PCDHGB4: variants seen among roughly 807,000 people sequenced by gnomAD.
The protein encoded by PCDHGB4 is protocadherin gamma-B4.
PCDHGB4 carries 38 observed loss-of-function variants against 60.5 expected under a neutral mutation model. The observed-to-expected ratio is 0.63, with a 90% CI of 0.48 to 0.82. The LOEUF (loss-of-function observed/expected upper bound fraction) is 0.82, where lower values mean the gene tolerates loss of function less well. PCDHGB4 is among the 40% of genes least tolerant of loss of function. The pLI is 0.00. For synonymous variants in PCDHGB4, 456 were observed against 509.7 expected (o/e 0.89, Z 1.42); for missense variants, 1,109 against 1,209.6 (o/e 0.92, Z 1.23).
At chr5:141,410,535 A>T (rs2095405545) in intron 1 of PCDHGB4, 9 of 1,613,752 alleles carry the variant, frequency 5.6e-6, no homozygotes, top group Non-Finnish European at 7.6e-6. Context: ...TCCAATGAAG[A>T]CATGGTTTGC....
intron 1 of PCDHGB4, chr5:141,424,468 C>A (rs1301878037): frequency 1.3e-5 from 2 of 152,072 alleles, no homozygotes; most frequent in South Asian, 2.1e-4. Context: ...TCCTTTTATT[C>A]TTTTACTTTG....
chr5:141,497,104 T>C (rs757158984), intron 2 of PCDHGB4, among the ~76,000 whole-genome samples: 44 of 151,910 alleles, frequency 2.9e-4, no homozygotes, highest in Non-Finnish European at 5.9e-4. Context: ...CAGAACTGCT[T>C]GAACCCGGAA....
In PCDHGB4 at chr5:141,388,846, A is replaced by G. The variant is rs758753526; in HGVS notation, c.962A>G (p.Asp321Gly). Reference protein sequence around the residue: ...KEYSIVLEARDGGGMIAQCTV... With the variant: ...KEYSIVLEARGGGGMIAQCTV... ...TATTCCATAGTTTTGGAAGCAAGGG[A>G]CGGTGGAGGAATGATTGCGCAATGC... Residue 321 changes from aspartate (D) to glycine (G), a missense_variant, in exon 1 of 4, where the codon GAC (aspartate) becomes GGC (glycine). Physicochemically the swap from Asp to Gly is moderately conservative, Grantham distance 94. Around this residue, in one of 2 missense-constraint regions of PCDHGB4, gnomAD observed 1,068 missense variants for 1,089.9 expected, o/e 0.98. Coordinates refer to ENST00000519479, the MANE Select transcript of PCDHGB4 (RefSeq NM_003736.4). The G allele has an allele frequency of 5.6e-6, 9 of 1,613,870 alleles. No homozygotes were observed. In the East Asian group the frequency reaches 2.0e-4, roughly 36 times the overall value.
intron 3 of PCDHGB4, among the ~76,000 whole-genome samples, chr5:141,509,450 C>A (rs2099876883): frequency 6.6e-6 from 1 of 152,128 alleles, no homozygotes; most frequent in Non-Finnish European, 1.5e-5. Context: ...CCTCTCCCAC[C>A]CCCGACCCAG....
chr5:141,413,747 A>G (rs1208637349), intron 1 of PCDHGB4: 7 of 1,613,230 alleles, frequency 4.3e-6, no homozygotes, highest in African/African-American at 4.0e-5. Flanking sequence ...AGCCGTGCCA[A>G]TGGCGTCAAG....
intron 1 of PCDHGB4, chr5:141,408,465 A>C: frequency 6.2e-7 from 1 of 1,613,960 alleles, no homozygotes. Context: ...CTTGTGAAGA[A>C]CCGAATAGAC....
In PCDHGB4 at chr5:141,430,937, G is replaced by C. The variant is rs888990395; in HGVS notation, c.2397+40656G>C. ...CCTGGGGCTGGAGCCCCGGGAGCTC[G>C]CGGAGCGCGGAGTCCGCATCATCCC... On this transcript the variant is annotated intron_variant, in intron 1 of 3. Coordinates refer to ENST00000519479, the MANE Select transcript of PCDHGB4 (RefSeq NM_003736.4). The C allele has an allele frequency of 8.7e-6, 14 of 1,607,498 alleles. No individual in the cohort carries two copies. The highest frequency in any genetic ancestry group is 1.7e-5 in the Admixed American group (1 of 58,732).
At chr5:141,407,453 C>G (rs914537742) in intron 1 of PCDHGB4, among the ~76,000 whole-genome samples, 18 of 148,834 alleles carry the variant, frequency 1.2e-4, no homozygotes, top group African/African-American at 4.4e-4. Flanking sequence ...ACACGAGGCT[C>G]ACCAGACAGA....
rs766474451 is a variant in PCDHGB4 at position 141,477,676 on chromosome 5, AT to A, written c.2398-17130del. On this transcript the variant is annotated intron_variant, in intron 1 of 3. Coordinates refer to ENST00000519479, the MANE Select transcript of PCDHGB4 (RefSeq NM_003736.4). This position sits in a 1 kb window ranked among gnomAD's most constrained non-coding sequence, Gnocchi z 4.9. ...TAAATCGTGACAATGGCATAGTGTCATCCTTAGTGCCCCTAGACTATGAGGA... is the reference window on the plus strand; with the variant it reads ...TAAATCGTGACAATGGCATAGTGTCACCTTAGTGCCCCTAGACTATGAGGA... 6.2e-7 allele frequency: 1 copy of A among 1,614,194 alleles called. No homozygotes were observed. The highest frequency in any genetic ancestry group is 2.2e-5 in the East Asian group (1 of 44,886).
chr5:141,428,156 C>G, intron 1 of PCDHGB4: 2 of 1,579,884 alleles, frequency 1.3e-6, no homozygotes, highest in Non-Finnish European at 1.7e-6. Flanking sequence ...CGGGAACCTG[C>G]TGGTTGCTGT....
intron 1 of PCDHGB4, among the ~76,000 whole-genome samples, chr5:141,465,094 G>GTT (rs138941665): frequency 3.4e-5 from 5 of 148,194 alleles, no homozygotes; most frequent in Non-Finnish European, 6.0e-5. Flanking sequence ...TTTTCTAGTA[G>GTT]TTTTTTTTTT....
intron 1 of PCDHGB4, among the ~76,000 whole-genome samples, chr5:141,472,967 C>G (rs1040253926): frequency 1.7e-5 from 1 of 58,336 alleles, no homozygotes; most frequent in South Asian, 5.1e-4. Flanking sequence ...GCCTGGGGAA[C>G]AAGAGTGAAA....
rs754225999 is a variant in PCDHGB4, at chr5:141,489,509, T to C, written c.2398-5298T>C. The C allele has an allele frequency of 1.2e-6, 2 of 1,614,062 alleles. No homozygotes were observed. The highest frequency in any genetic ancestry group is 1.1e-5 in the South Asian group (1 of 91,074). On this transcript the variant is annotated intron_variant, in intron 1 of 3. Coordinates refer to ENST00000519479, the MANE Select transcript of PCDHGB4 (RefSeq NM_003736.4). The surrounding 1 kb of genome is among the most constrained non-coding windows in gnomAD (Gnocchi z 4.5). ...GGTGCCCTGGCAGTGAATCAAAAGA[T>C]TGACCGAGAAAGCCTATGTGGAGCC...
At chr5:141,502,441 GAT>G (rs2099814262) in intron 2 of PCDHGB4, among the ~76,000 whole-genome samples, 1 of 152,000 alleles carries the variant, frequency 6.6e-6, no homozygotes, top group Non-Finnish European at 1.5e-5. Flanking sequence ...GTTAGATTCA[GAT>G]TACACACCTT....
intron 1 of PCDHGB4, among the ~76,000 whole-genome samples, chr5:141,464,251 C>T (rs1438610569): frequency 1.4e-5 from 2 of 141,396 alleles, no homozygotes; most frequent in Admixed American, 7.5e-5. Flanking sequence ...GGCTACAGAG[C>T]GAGACTCCGT....
intron 1 of PCDHGB4, among the ~76,000 whole-genome samples, chr5:141,463,124 T>C (rs2099053100): frequency 6.6e-6 from 1 of 152,174 alleles, no homozygotes; most frequent in African/African-American, 2.4e-5. Context: ...AATAGCTCCC[T>C]GGCAGTTCTT....
In PCDHGB4 at chr5:141,478,136, C is replaced by G. The variant is rs529858044; in HGVS notation, c.2398-16671C>G. 1.4e-4 allele frequency: 218 copies of G among 1,614,048 alleles called. 3 individuals are homozygous for G. The South Asian group carries it at 2.2e-3, about 17-fold the overall frequency. ...AGTAACCGAGGACTCTCCTGAAGCC[C>G]GAGCCGAGTTCCCCTCTGGCTCTGC... is the stretch of plus-strand genomic sequence containing the variant. On this transcript the variant is annotated intron_variant, in intron 1 of 3. Coordinates refer to ENST00000519479, the MANE Select transcript of PCDHGB4 (RefSeq NM_003736.4).
In PCDHGB4 at chr5:141,474,057, G is replaced by A. The variant is rs546654716; in HGVS notation, c.2398-20750G>A. Among the ~76,000 whole-genome samples, 3 of 152,192 alleles carry A rather than the reference G, an allele frequency of 2.0e-5. No homozygotes were observed. In the East Asian group the frequency reaches 5.8e-4, roughly 29 times the overall value. On this transcript the variant is annotated intron_variant, in intron 1 of 3. Transcript: ENST00000519479. ...TGTACTCCAGCCTGGATGACAGAGC[G>A]AGATCCTGCCTCAGAAACAAAAACC... is the stretch of plus-strand genomic sequence containing the variant.
In PCDHGB4 at chr5:141,422,435, A is replaced by G. The variant is rs199795822; in HGVS notation, c.2397+32154A>G. 7.8e-4 allele frequency: 1,254 copies of G among 1,609,700 alleles called. 7 individuals are homozygous for G. The highest frequency in any genetic ancestry group is 2.1e-3 in the South Asian group (193 of 90,090). Reference sequence around the variant, plus strand: ...TTAGAAAAGACTTATGGAAATTATTACAAATTGATAACAAGCAGAGTGCTG... The same window carrying G: ...TTAGAAAAGACTTATGGAAATTATTGCAAATTGATAACAAGCAGAGTGCTG... On this transcript the variant is annotated intron_variant, in intron 1 of 3. Transcript: ENST00000519479.
Sources: allele counts gnomAD v4.1 joint callset (sites outside exome capture counted in the v4.1 genomes callset), GRCh38; gene constraint gnomAD v4.1.1; regional missense constraint gnomAD v4.1.1; non-coding constraint Gnocchi (gnomAD v3.1); transcripts MANE v1.5; gene names NCBI Gene and HGNC (gene_info 2026-07-23, HGNC 2026-07-21).